Variants in B3GALT1 observed in about 807,000 individuals in gnomAD.
B3GALT1 encodes beta-1,3-galactosyltransferase 1, also known as UDP-Gal:betaGlcNAc beta 1,3-galactosyltransferase, polypeptide 1.
In B3GALT1, 10 loss-of-function variants were observed where a neutral mutation model predicts 23.2. That is an observed-to-expected ratio of 0.43 (90% CI 0.27 to 0.73). The LOEUF (loss-of-function observed/expected upper bound fraction) is 0.73, where lower values mean the gene tolerates loss of function less well. Among genes scored for constraint, B3GALT1 ranks in the 30% least tolerant of loss-of-function variants. The pLI is 0.21. For missense variants in B3GALT1, 299 were observed against 405.4 expected (o/e 0.74, Z 2.25); for synonymous variants, 156 against 141.5 (o/e 1.10, Z -0.73).
At chr2:167,692,543 C>T (rs556585815) in intron 3 of B3GALT1, among the ~76,000 whole-genome samples, 1 of 152,148 alleles carries the variant, frequency 6.6e-6, no homozygotes, top group South Asian at 2.1e-4. Flanking sequence ...CACAATTCCC[C>T]CTTATTTCCA....
chr2:167,871,825 G>C lies in B3GALT1; in HGVS notation c.*1805G>C, dbSNP rs1690353864. ...ATTGCACATCTTCTACCATTTATTAGAAAACACCTGTTTGTTCTCAAAGAA... is the reference window on the plus strand; with the variant it reads ...ATTGCACATCTTCTACCATTTATTACAAAACACCTGTTTGTTCTCAAAGAA... On this transcript the variant is annotated 3_prime_UTR_variant, in exon 5 of 5. Transcript: ENST00000392690. The C allele has an allele frequency of 6.8e-6, 1 of 147,186 alleles. No homozygotes were observed. Among genetic ancestry groups the C allele is most frequent in the South Asian group, 2.2e-4 (1 of 4,542 alleles). The allele number at this position is 147,186 out of a possible 1,614,324, so 9.1% of individuals were successfully genotyped here.
chr2:167,866,804 G>A (rs961332020), intron 4 of B3GALT1, among the ~76,000 whole-genome samples: 4 of 152,182 alleles, frequency 2.6e-5, no homozygotes, highest in African/African-American at 9.7e-5. Flanking sequence ...GACAAAAGTA[G>A]ACTAAGAATC....
intron 1 of B3GALT1, among the ~76,000 whole-genome samples, chr2:167,463,085 C>T (rs1699288803): frequency 1.3e-5 from 2 of 152,002 alleles, no homozygotes; most frequent in African/African-American, 4.8e-5. Flanking sequence ...TAAGTTTCAT[C>T]TTTCTTGCAA....
chr2:167,599,821 T>A (rs1260452975), intron 2 of B3GALT1, among the ~76,000 whole-genome samples: 1 of 152,234 alleles, frequency 6.6e-6, no homozygotes, highest in Non-Finnish European at 1.5e-5. Flanking sequence ...CACATGTTTT[T>A]TTTCCATTTC....
At chr2:167,840,818 C>A (rs113598691) in intron 4 of B3GALT1, among the ~76,000 whole-genome samples, 2 of 145,146 alleles carry the variant, frequency 1.4e-5, no homozygotes, top group African/African-American at 5.2e-5. Context: ...AAATGTGGCA[C>A]ATATACACCA....
chr2:167,328,409 T>G (rs1696927671), intron 1 of B3GALT1, among the ~76,000 whole-genome samples: 1 of 152,194 alleles, frequency 6.6e-6, no homozygotes, highest in Non-Finnish European at 1.5e-5. Flanking sequence ...TCATTTTTTG[T>G]CTATTCAGGT....
At chr2:167,830,662 G>A (rs1689329549) in intron 4 of B3GALT1, among the ~76,000 whole-genome samples, 1 of 152,208 alleles carries the variant, frequency 6.6e-6, no homozygotes, top group South Asian at 2.1e-4. Flanking sequence ...AACTGTAGCC[G>A]TTTGAAAATA....
chr2:167,685,121 C>A (rs1164187060), intron 3 of B3GALT1, among the ~76,000 whole-genome samples: 5 of 152,228 alleles, frequency 3.3e-5, no homozygotes, highest in Non-Finnish European at 4.4e-5. Flanking sequence ...TAAAATGATG[C>A]TGCAAATGTT....
intron 3 of B3GALT1, among the ~76,000 whole-genome samples, chr2:167,761,100 A>C (rs1305105313): frequency 6.6e-6 from 1 of 152,204 alleles, no homozygotes; most frequent in Non-Finnish European, 1.5e-5. Flanking sequence ...TCATTTTTCC[A>C]AGTGAAAAAG....
At chr2:167,794,593 C>T (rs986814007) in intron 3 of B3GALT1, among the ~76,000 whole-genome samples, 5 of 152,202 alleles carry the variant, frequency 3.3e-5, no homozygotes, top group African/African-American at 7.2e-5. Context: ...GCTGCATACC[C>T]GTTATTTTCC....
chr2:167,489,840 G>A (rs1283639260), intron 1 of B3GALT1, among the ~76,000 whole-genome samples: 1 of 152,180 alleles, frequency 6.6e-6, no homozygotes, highest in Non-Finnish European at 1.5e-5. Context: ...GCTATTATAA[G>A]TGAGACCGCA....
chr2:167,666,189 G>T (rs1488049571), intron 3 of B3GALT1, among the ~76,000 whole-genome samples: 3 of 152,172 alleles, frequency 2.0e-5, no homozygotes, highest in African/African-American at 7.2e-5. Context: ...CTTTATGTCT[G>T]CCTTCATTTC....
At chr2:167,385,654 C>G (rs1385926337) in intron 1 of B3GALT1, among the ~76,000 whole-genome samples, 1 of 152,104 alleles carries the variant, frequency 6.6e-6, no homozygotes. Flanking sequence ...CTTCCAAAGA[C>G]CATACTGCTA....
chr2:167,731,021 C>T (rs545248150), intron 3 of B3GALT1, among the ~76,000 whole-genome samples: 8 of 152,206 alleles, frequency 5.3e-5, no homozygotes, highest in Admixed American at 3.9e-4. Flanking sequence ...ATCATGTAAG[C>T]CCCTCAAGCT....
chr2:167,498,767 T>C (rs1361198594), intron 2 of B3GALT1, among the ~76,000 whole-genome samples: 6 of 152,096 alleles, frequency 3.9e-5, no homozygotes, highest in African/African-American at 1.2e-4. Context: ...CCAAGTCAAT[T>C]CTTTGCCCCC....
At chr2:167,573,659 G>A (rs79378767) in intron 2 of B3GALT1, among the ~76,000 whole-genome samples, 3,110 of 151,710 alleles carry the variant, frequency 0.02, 41 homozygotes, top group Middle Eastern at 0.034. Context: ...ATTGTAATTA[G>A]CATTTTCTCA....
intron 2 of B3GALT1, among the ~76,000 whole-genome samples, chr2:167,641,745 C>G (rs1685656080): frequency 6.6e-6 from 1 of 152,132 alleles, no homozygotes; most frequent in Non-Finnish European, 1.5e-5. Context: ...CTTCTCTTGT[C>G]AGCCCTGCAA....
chr2:167,450,520 G>C (rs1420250061), intron 1 of B3GALT1, among the ~76,000 whole-genome samples: 1 of 152,116 alleles, frequency 6.6e-6, no homozygotes, highest in African/African-American at 2.4e-5. Context: ...TGAAGATAGG[G>C]CCCCAATCCC....
intron 2 of B3GALT1, among the ~76,000 whole-genome samples, chr2:167,606,786 A>C (rs923232245): frequency 6.6e-6 from 1 of 152,342 alleles, no homozygotes; most frequent in South Asian, 2.1e-4. Flanking sequence ...TGTTCAAAGA[A>C]CAGTTATGGG....
Sources: gnomAD v4.1 joint callset for allele counts (sites outside exome capture counted in the v4.1 genomes callset) on GRCh38, gnomAD v4.1.1 for gene constraint, MANE v1.5 for transcripts, NCBI Gene and HGNC (gene_info 2026-07-23, HGNC 2026-07-21) for gene names.